FANCA: variants seen among roughly 807,000 people sequenced by gnomAD.
FANCA encodes the protein Fanconi anemia group A protein.
FANCA carries 236 observed loss-of-function variants against 194.3 expected under a neutral mutation model. That is an observed-to-expected ratio of 1.21 (90% CI 1.09 to 1.35). The LOEUF (loss-of-function observed/expected upper bound fraction) is 1.35. Ranked by LOEUF, FANCA falls within the 40% of genes most tolerant of loss-of-function variation. The pLI is 0.00. For missense variants in FANCA, 2,628 were observed against 1,813.9 expected, an observed-to-expected ratio of 1.45 and a Z score of -8.15; for synonymous variants, 1,014 against 715.8, an observed-to-expected ratio of 1.42 and a Z score of -6.65.
In FANCA at chr16:89,749,691, C is replaced by T. The variant is rs1328795945; in HGVS notation, c.3239+39G>A. ...GACCGTCATGAGATGCTGCCCTGCC[C>T]AGGTGGTGCTGCCCTGCCCAGGTGG... On this transcript the variant is annotated intron_variant, in intron 32 of 42. Transcript: ENST00000389301. 1.8e-5 allele frequency: 29 copies of T among 1,592,848 alleles called. No homozygotes were observed. The East Asian group carries it at 6.6e-4, about 36-fold the overall frequency.
chr16:89,777,199 G>A (rs1056382625), intron 20 of FANCA, among the ~76,000 whole-genome samples: 3 of 151,818 alleles, frequency 2.0e-5, no homozygotes, highest in Admixed American at 2.0e-4. Flanking sequence ...GGGAGGCGGA[G>A]GGGGAAGGAT....
intron 6 of FANCA, among the ~76,000 whole-genome samples, chr16:89,807,775 C>G (rs1402568224): frequency 6.6e-6 from 1 of 151,704 alleles, no homozygotes; most frequent in Admixed American, 6.6e-5. Context: ...CCCAGCTACT[C>G]GGGAAGCTGA....
At chr16:89,794,094 A>G (rs199978193) in intron 11 of FANCA, among the ~76,000 whole-genome samples, 48,141 of 151,932 alleles carry the variant, frequency 0.32, 8,769 homozygotes, top group East Asian at 0.68. Flanking sequence ...AGATCTTAAT[A>G]TGTACTTTTT....
At chr16:89,748,590 C>CTGCAAGAGCTGCTGTTAGCG in intron 33 of FANCA, 69 bp downstream of exon 33, 1 of 1,185,058 alleles carries the variant, frequency 8.4e-7, no homozygotes, top group Non-Finnish European at 1.3e-6. Flanking sequence ...CGCATGGAGG[C>CTGCAAGAGCTGCTGTTAGCG]TGCAAGAGCT....
At chr16:89,740,956 T>C in intron 37 of FANCA, 90 bp from the exon 38 acceptor site, 1 of 1,195,852 alleles carries the variant, frequency 8.4e-7, no homozygotes, top group Non-Finnish European at 1.2e-6. Flanking sequence ...TTAATTGAAA[T>C]TTTTTACATC....
intron 13 of FANCA, 120 bp downstream of exon 13, chr16:89,791,807 G>A (rs1380939131): frequency 7.7e-7 from 1 of 1,307,008 alleles, no homozygotes; most frequent in Non-Finnish European, 1.1e-6. Context: ...AGGCACTGCA[G>A]GTTCCGGGCA....
At chr16:89,801,304 A>AC (rs1207340747) in intron 8 of FANCA, among the ~76,000 whole-genome samples, 2 of 145,196 alleles carry the variant, frequency 1.4e-5, no homozygotes, top group African/African-American at 5.2e-5. Context: ...AGATCGCGCC[A>AC]CTGCACTCCA....
In FANCA at chr16:89,770,159, G is replaced by C. The variant is rs1366206489; in HGVS notation, c.2316+7C>G. On this transcript the variant is annotated splice_region_variant and intron_variant, in intron 25 of 42. Transcript: ENST00000389301. ...CCAAGGGTGGCCCCCATGAAGGAGAGCCTCACCTGGTGACGGAGCAGCTGG... is the reference window on the plus strand; with the variant it reads ...CCAAGGGTGGCCCCCATGAAGGAGACCCTCACCTGGTGACGGAGCAGCTGG... 1.9e-6 allele frequency: 3 copies of C among 1,584,060 alleles called. No individual in the cohort carries two copies. Among genetic ancestry groups the C allele is most frequent in the Admixed American group, 3.7e-5 (2 of 54,280 alleles).
intron 21 of FANCA, among the ~76,000 whole-genome samples, chr16:89,774,219 G>C (rs17232882): frequency 1.3e-5 from 2 of 152,202 alleles, no homozygotes; most frequent in Non-Finnish European, 2.9e-5. Flanking sequence ...ACAGGCTCTA[G>C]AAATCATAGG....
intron 33 of FANCA, among the ~76,000 whole-genome samples, chr16:89,747,130 G>A (rs1439917746): frequency 6.6e-6 from 1 of 152,172 alleles, no homozygotes; most frequent in East Asian, 1.9e-4. Context: ...AAACAGTCTT[G>A]TAGGCTCCAG....
At chr16:89,754,067 CAA>C in intron 30 of FANCA, among the ~76,000 whole-genome samples, 1 of 151,818 alleles carries the variant, frequency 6.6e-6, no homozygotes, top group African/African-American at 2.4e-5. Context: ...AACAAACAAA[CAA>C]AAATTAGCTG....
At chr16:89,781,647 GC>G (rs1485841393) in intron 17 of FANCA, among the ~76,000 whole-genome samples, 1 of 149,092 alleles carries the variant, frequency 6.7e-6, no homozygotes, top group Non-Finnish European at 1.5e-5. Flanking sequence ...CTGCACTCCA[GC>G]CAGGGCGACA....
At chr16:89,764,530 TCCTGAGTTCAGGTGATCAACC>T (rs1445416127) in intron 28 of FANCA, among the ~76,000 whole-genome samples, 2 of 152,308 alleles carry the variant, frequency 1.3e-5, no homozygotes, top group Admixed American at 6.5e-5. Flanking sequence ...GGTCTTGAAC[TCCTGAGTTCAGGTGATCAACC>T]CGCCTTGGCC....
At chr16:89,779,267 G>C (rs1011951957) in intron 18 of FANCA, among the ~76,000 whole-genome samples, 1 of 152,110 alleles carries the variant, frequency 6.6e-6, no homozygotes, top group African/African-American at 2.4e-5. Flanking sequence ...CTGAGGCCAC[G>C]AGGACCATGT....
At chr16:89,765,995 A>AT (rs1181685806) in intron 27 of FANCA, among the ~76,000 whole-genome samples, 5 of 148,084 alleles carry the variant, frequency 3.4e-5, no homozygotes, top group African/African-American at 1.3e-4. Context: ...ACCATTATTT[A>AT]TTTATTTTTT....
At chr16:89,795,863 C>T in intron 11 of FANCA, 43 bp downstream of exon 11, 1 of 1,462,732 alleles carries the variant, frequency 6.8e-7, no homozygotes, top group Non-Finnish European at 9.6e-7. Context: ...AACAGCAATC[C>T]CCAAAATGGG....
At chr16:89,748,831 T>G in intron 32 of FANCA, 64 bp from the exon 33 acceptor site, 1 of 1,350,450 alleles carries the variant, frequency 7.4e-7, no homozygotes, top group Non-Finnish European at 1.0e-6. Context: ...TCCCAAGGGC[T>G]CAGACTCTCA....
intron 8 of FANCA, among the ~76,000 whole-genome samples, chr16:89,802,907 G>T (rs914290327): frequency 2.0e-5 from 3 of 152,172 alleles, no homozygotes; most frequent in African/African-American, 7.2e-5. Context: ...TATGCAGTGG[G>T]GGAACGAAGA....
rs67279101 is a variant in FANCA, at chr16:89,786,015, A to ATTTTT, written c.1360-1056_1360-1052dup. ...CAGGCATTTGCTACCACTCCCAGCTATTTTTTTTTTTTTTTTTTTGAGAGA... is the reference window on the plus strand; with the variant it reads ...CAGGCATTTGCTACCACTCCCAGCTATTTTTTTTTTTTTTTTTTTTTTTTGAGAGA... On this transcript the variant is annotated intron_variant, in intron 14 of 42. Transcript: ENST00000389301. Among the ~76,000 whole-genome samples the ATTTTT allele has an allele frequency of 1.6e-4, 17 of 104,098 alleles. No homozygotes were observed. The South Asian group carries it at 1.7e-3, about 10-fold the overall frequency. The allele number at this position is 104,098 out of a possible 152,430, so 68.3% of individuals were successfully genotyped here. A position where few individuals can be genotyped will look rare whatever the true frequency, so the allele number is the denominator to read the frequency against.
Sources: gnomAD v4.1 joint callset for allele counts (sites outside exome capture counted in the v4.1 genomes callset) on GRCh38, gnomAD v4.1.1 for gene constraint, MANE v1.5 for transcripts, NCBI Gene and HGNC (gene_info 2026-07-23, HGNC 2026-07-21) for gene names.